Variants in TMEM132B observed in about 807,000 individuals in gnomAD.
The protein encoded by TMEM132B is transmembrane protein 132B.
TMEM132B carries 18 observed loss-of-function variants against 90.8 expected under a neutral mutation model. The ratio of observed to expected loss-of-function variants is 0.20; its 90% CI spans 0.14 to 0.29. The LOEUF (loss-of-function observed/expected upper bound fraction) is 0.29, where lower values mean the gene tolerates loss of function less well. Among genes scored for constraint, TMEM132B ranks in the 10% least tolerant of loss-of-function variants. The pLI is 1.00. For synonymous variants in TMEM132B, 504 were observed against 523.3 expected (o/e 0.96, Z 0.50); for missense variants, 1,096 against 1,326.8 (o/e 0.83, Z 2.70).
At chr12:125,525,463 G>A (rs1277834414) in intron 4 of TMEM132B, among the ~76,000 whole-genome samples, 1 of 152,188 alleles carries the variant, frequency 6.6e-6, no homozygotes, top group Non-Finnish European at 1.5e-5. Flanking sequence ...TCCGCCATGC[G>A]AGGACATGGT....
intron 1 of TMEM132B, among the ~76,000 whole-genome samples, chr12:125,227,363 A>G (rs1399406135): frequency 1.3e-5 from 2 of 152,170 alleles, no homozygotes; most frequent in East Asian, 3.9e-4. Context: ...ATAGATGGGG[A>G]AAATGAGGCA....
intron 2 of TMEM132B, among the ~76,000 whole-genome samples, chr12:125,399,958 C>T (rs747992108): frequency 3.3e-5 from 5 of 152,182 alleles, no homozygotes; most frequent in Non-Finnish European, 7.3e-5. Context: ...CATACATGAA[C>T]CTACTGCTGT....
intron 3 of TMEM132B, among the ~76,000 whole-genome samples, chr12:125,507,632 T>TG (rs879886766): frequency 2.0e-5 from 3 of 151,970 alleles, no homozygotes; most frequent in Non-Finnish European, 2.9e-5. Flanking sequence ...TGGCTGGAGC[T>TG]GGGGGAACAG....
intron 5 of TMEM132B, among the ~76,000 whole-genome samples, chr12:125,595,164 G>A (rs1232864882): frequency 6.6e-6 from 1 of 152,168 alleles, no homozygotes; most frequent in Non-Finnish European, 1.5e-5. Context: ...TTATTGCCCT[G>A]TTGAGCTTTC....
At chr12:125,518,619 A>G (rs965069179) in intron 3 of TMEM132B, among the ~76,000 whole-genome samples, 1 of 152,228 alleles carries the variant, frequency 6.6e-6, no homozygotes. Context: ...TTCCCTGTCA[A>G]TGCGATAGCC....
rs1879553908 is a variant in TMEM132B, at chr12:125,407,984, G to C, written c.960-7547G>C. Among the ~76,000 whole-genome samples the C allele has an allele frequency of 6.6e-6, 1 of 152,242 alleles. No individual in the cohort carries two copies. The highest frequency in any genetic ancestry group is 2.4e-5 in the African/African-American group (1 of 41,468). On this transcript the variant is annotated intron_variant, in intron 2 of 8. Transcript: ENST00000682704. This position sits in a 1 kb window ranked among gnomAD's most constrained non-coding sequence, Gnocchi z 6.7. Reference sequence around the variant, plus strand: ...ACCAAGTAATCGGCATGCAGAAGGAGAGACAGAGCATGGCAGGGTCCCCAG... The same window carrying C: ...ACCAAGTAATCGGCATGCAGAAGGACAGACAGAGCATGGCAGGGTCCCCAG...
chr12:125,631,134 C>T (rs1886360132), intron 5 of TMEM132B, among the ~76,000 whole-genome samples: 1 of 152,004 alleles, frequency 6.6e-6, no homozygotes, highest in South Asian at 2.1e-4. Flanking sequence ...CAGCTATATA[C>T]TTCCCTTAGG....
chr12:125,215,598 A>G (rs1444276713), intron 1 of TMEM132B, among the ~76,000 whole-genome samples: 2 of 151,986 alleles, frequency 1.3e-5, no homozygotes, highest in Middle Eastern at 3.4e-3. Flanking sequence ...CTGGAGTGCA[A>G]TGGCACAATC....
At chr12:125,476,324 A>G (rs1299150072) in intron 3 of TMEM132B, among the ~76,000 whole-genome samples, 2 of 152,166 alleles carry the variant, frequency 1.3e-5, no homozygotes, top group African/African-American at 4.8e-5. Context: ...TGCTCTTGAT[A>G]ACCACCAACC....
chr12:125,206,466 G>C (rs71458899), intron 1 of TMEM132B, among the ~76,000 whole-genome samples: 4,109 of 152,180 alleles, frequency 0.027, 85 homozygotes, highest in Admixed American at 0.046. Flanking sequence ...TTGAACTCCT[G>C]GTCTCAAGTG....
At chr12:125,560,880 T>C (rs1272892101) in intron 4 of TMEM132B, among the ~76,000 whole-genome samples, 1 of 131,658 alleles carries the variant, frequency 7.6e-6, no homozygotes, top group South Asian at 2.5e-4. Context: ...CAACAGATGC[T>C]GGAGAGGATG....
In TMEM132B at chr12:125,320,564, G is replaced by A. The variant is rs1593083225; in HGVS notation, c.68-28888G>A. ...GCTGGGGTGAGCTTGGCTAGGAGAAGGGACAGGTTTGTTTGCTCTATGAAG... is the reference window on the plus strand; with the variant it reads ...GCTGGGGTGAGCTTGGCTAGGAGAAAGGACAGGTTTGTTTGCTCTATGAAG... On this transcript the variant is annotated intron_variant, in intron 1 of 8. Transcript: ENST00000682704. 2.6e-5 allele frequency among the ~76,000 whole-genome samples: 4 copies of A among 152,254 alleles called. No homozygotes were observed. In the South Asian group the frequency reaches 6.2e-4, roughly 24 times the overall value.
intron 3 of TMEM132B, among the ~76,000 whole-genome samples, chr12:125,506,036 C>T (rs12826482): frequency 0.1 from 15,345 of 152,260 alleles, 1,260 homozygotes; most frequent in Admixed American, 0.27. Flanking sequence ...TAAATGAAAA[C>T]GTATGTTCAT....
Position 125,659,033 on chromosome 12 carries a change from T to A in TMEM132B, c.*4323T>A, listed in dbSNP as rs1327861506. 2.0e-5 allele frequency: 3 copies of A among 152,232 alleles called. No individual in the cohort carries two copies. Among genetic ancestry groups the A allele is most frequent in the Non-Finnish European group, 4.4e-5 (3 of 68,042 alleles). 9.4% of individuals were successfully genotyped at this position (152,232 alleles called of 1,614,324 possible). A position where few individuals can be genotyped will look rare whatever the true frequency, so the allele number is the denominator to read the frequency against. On this transcript the variant is annotated 3_prime_UTR_variant, in exon 9 of 9. Transcript: ENST00000682704. ...ATCGTTTTTAACATGAAAATAAACA[T>A]TTAAACATTCTTCAGTTGTTTCATT...
chr12:125,360,458 A>G (rs548630151), intron 2 of TMEM132B, among the ~76,000 whole-genome samples: 2 of 152,320 alleles, frequency 1.3e-5, no homozygotes, highest in African/African-American at 4.8e-5. Context: ...TCTTTAGTCA[A>G]CAATATGAAG....
intron 1 of TMEM132B, among the ~76,000 whole-genome samples, chr12:125,229,339 A>G (rs1873762033): frequency 1.3e-5 from 2 of 152,152 alleles, no homozygotes; most frequent in South Asian, 2.1e-4. Flanking sequence ...ATTAGAGCAT[A>G]CTTATATTTT....
chr12:125,205,879 A>G (rs1271724287), intron 1 of TMEM132B, among the ~76,000 whole-genome samples: 1 of 152,262 alleles, frequency 6.6e-6, no homozygotes, highest in Non-Finnish European at 1.5e-5. Context: ...GGATTTGTAG[A>G]CACGCTTTCA....
At chr12:125,211,524 C>G (rs1208885483) in intron 1 of TMEM132B, among the ~76,000 whole-genome samples, 1 of 152,208 alleles carries the variant, frequency 6.6e-6, no homozygotes, top group Admixed American at 6.5e-5. Context: ...TCTGCACCAT[C>G]TCCAGGGCAT....
At chr12:125,435,425 C>T (rs1316103994) in intron 3 of TMEM132B, among the ~76,000 whole-genome samples, 1 of 152,060 alleles carries the variant, frequency 6.6e-6, no homozygotes, top group Non-Finnish European at 1.5e-5. Context: ...GGACGGCCCC[C>T]AAGTTTTCTG....
Sources: gnomAD v4.1 joint callset for allele counts (sites outside exome capture counted in the v4.1 genomes callset) on GRCh38, gnomAD v4.1.1 for gene constraint, Gnocchi (gnomAD v3.1) non-coding constraint, MANE v1.5 for transcripts, NCBI Gene and HGNC (gene_info 2026-07-23, HGNC 2026-07-21) for gene names.